Variants in GPM6A observed in about 807,000 individuals in gnomAD.
GPM6A encodes the protein neuronal membrane glycoprotein M6-a.
Under a neutral mutation model 32.1 loss-of-function variants are expected in GPM6A, and 7 were observed. That is an observed-to-expected ratio of 0.22 (90% confidence interval 0.12 to 0.41). GPM6A has a LOEUF of 0.41. Ranked by LOEUF, GPM6A falls within the 10% of genes least tolerant of loss-of-function variation. The probability of loss-of-function intolerance (pLI) is 1.00; values close to 1 mark genes in which losing one functional copy is unlikely to be tolerated. For synonymous variants in GPM6A, 130 were observed against 123.4 expected (o/e 1.05, Z -0.35); for missense variants, 235 against 347.2 (o/e 0.68, Z 2.57).
chr4:175,970,822 C>T, intron 1 of GPM6A: 1 of 451,776 alleles, frequency 2.2e-6, no homozygotes, highest in Non-Finnish European at 4.4e-6. Flanking sequence ...TACTAAATTA[C>T]TAAGCTGTCA....
At chr4:175,990,326 A>G (rs1427566737) in intron 1 of GPM6A, among the ~76,000 whole-genome samples, 1 of 152,172 alleles carries the variant, frequency 6.6e-6, no homozygotes, top group Non-Finnish European at 1.5e-5. Flanking sequence ...ACTCATTCAG[A>G]AAGCTTCTCT....
chr4:175,742,948 A>G (rs964583036), intron 1 of GPM6A, among the ~76,000 whole-genome samples: 33 of 152,128 alleles, frequency 2.2e-4, no homozygotes, highest in African/African-American at 7.7e-4. Context: ...GGGATTTGAG[A>G]CTTGCCTGGG....
intron 2 of GPM6A, among the ~76,000 whole-genome samples, chr4:175,701,006 A>G (rs74694348): frequency 0.03 from 4,614 of 152,298 alleles, 113 homozygotes; most frequent in Non-Finnish European, 0.042. Context: ...GGAGTTTTAC[A>G]TTTTATGAGA....
intron 1 of GPM6A, among the ~76,000 whole-genome samples, chr4:175,722,138 T>C: frequency 6.6e-6 from 1 of 151,934 alleles, no homozygotes; most frequent in Admixed American, 6.6e-5. Flanking sequence ...AGTACAAAAA[T>C]TAGCCTGGTG....
At chr4:175,803,822 G>C (rs1001316594) in intron 1 of GPM6A, among the ~76,000 whole-genome samples, 1 of 152,104 alleles carries the variant, frequency 6.6e-6, no homozygotes, top group South Asian at 2.1e-4. Flanking sequence ...AAAATTCATG[G>C]AGACAATCTG....
At chr4:175,806,011 T>C (rs1396784793) in intron 1 of GPM6A, 1 of 152,248 alleles carries the variant, frequency 6.6e-6, no homozygotes, top group Non-Finnish European at 1.5e-5. Flanking sequence ...TGAATTATTT[T>C]TATAATGTCA....
intron 1 of GPM6A, among the ~76,000 whole-genome samples, chr4:175,716,338 T>C (rs976309733): frequency 1.3e-5 from 2 of 152,160 alleles, no homozygotes; most frequent in African/African-American, 4.8e-5. Context: ...TACCACACAA[T>C]TTTGTGTTTT....
chr4:175,662,471 G>A (rs1742482968), intron 3 of GPM6A, among the ~76,000 whole-genome samples: 1 of 152,006 alleles, frequency 6.6e-6, no homozygotes, highest in Non-Finnish European at 1.5e-5. Flanking sequence ...ATGGTGGTTT[G>A]TGTCTGTAAT....
chr4:175,894,584 A>C (rs56275183), intron 1 of GPM6A, among the ~76,000 whole-genome samples: 1,905 of 152,266 alleles, frequency 0.013, 39 homozygotes, highest in African/African-American at 0.043. Context: ...ATGAGACTAC[A>C]TTTTCTACCC....
At chr4:175,967,983 A>G (rs1325466399) in intron 1 of GPM6A, among the ~76,000 whole-genome samples, 1 of 152,222 alleles carries the variant, frequency 6.6e-6, no homozygotes, top group African/African-American at 2.4e-5. Flanking sequence ...AAGGAGAAGA[A>G]CAAAGTTGGA....
chr4:175,935,146 A>T (rs1739178079), intron 1 of GPM6A, among the ~76,000 whole-genome samples: 1 of 152,196 alleles, frequency 6.6e-6, no homozygotes, highest in African/African-American at 2.4e-5. Context: ...CAGTAATGTG[A>T]TTTAATTCTG....
rs559631607 is a variant in GPM6A at position 175,723,410 on chromosome 4, A to T, written c.38-21643T>A. Among the ~76,000 whole-genome samples, 9 of 152,098 alleles carry T rather than the reference A, an allele frequency of 5.9e-5. No homozygotes were observed. In the South Asian group the frequency reaches 1.0e-3, roughly 17 times the overall value. On this transcript the variant is annotated intron_variant, in intron 1 of 6. Transcript: ENST00000393658. ...CATTATCCTGACTCCCATTTCAACC[A>T]TTTATTTTATTTTTATTTTTATTTT...
At chr4:175,988,756 C>G (rs1328525732) in intron 1 of GPM6A, among the ~76,000 whole-genome samples, 1 of 152,172 alleles carries the variant, frequency 6.6e-6, no homozygotes, top group Non-Finnish European at 1.5e-5. Context: ...TCAGATTTCT[C>G]AAACTTTCAG....
chr4:175,691,235 A>G (rs917113490), intron 2 of GPM6A, among the ~76,000 whole-genome samples: 3 of 151,948 alleles, frequency 2.0e-5, no homozygotes, highest in Non-Finnish European at 4.4e-5. Context: ...ATGAAGTCAC[A>G]GAAGGATCAA....
At chr4:175,729,628 C>T (rs1160088282) in intron 1 of GPM6A, among the ~76,000 whole-genome samples, 1 of 151,732 alleles carries the variant, frequency 6.6e-6, no homozygotes, top group Non-Finnish European at 1.5e-5. Context: ...AGTATAAATA[C>T]TTGAGGTGAT....
chr4:175,782,006 C>A (rs1293215694), intron 1 of GPM6A, among the ~76,000 whole-genome samples: 1 of 152,120 alleles, frequency 6.6e-6, no homozygotes, highest in Non-Finnish European at 1.5e-5. Flanking sequence ...TATCTTGAAA[C>A]CTCAGGTTTC....
chr4:175,682,170 C>T (rs1456466496), intron 2 of GPM6A, among the ~76,000 whole-genome samples: 1 of 152,138 alleles, frequency 6.6e-6, no homozygotes, highest in African/African-American at 2.4e-5. Context: ...GCATTTTGTC[C>T]ATGTCCTAGG....
At chr4:175,849,305 A>T (rs568681818) in intron 1 of GPM6A, among the ~76,000 whole-genome samples, 8 of 152,316 alleles carry the variant, frequency 5.3e-5, no homozygotes, top group African/African-American at 1.7e-4. Flanking sequence ...TTAACAACAG[A>T]GTACATGTGT....
intron 1 of GPM6A, among the ~76,000 whole-genome samples, chr4:175,841,505 A>G (rs1319100791): frequency 6.6e-6 from 1 of 152,136 alleles, no homozygotes; most frequent in African/African-American, 2.4e-5. Flanking sequence ...CTTGTCTAAA[A>G]CCAACTTAAA....
Sources: gnomAD v4.1 joint callset for allele counts (sites outside exome capture counted in the v4.1 genomes callset) on GRCh38, gnomAD v4.1.1 for gene constraint, MANE v1.5 for transcripts, NCBI Gene and HGNC (gene_info 2026-07-23, HGNC 2026-07-21) for gene names.